Variants in PTCD3 observed in about 807,000 individuals in gnomAD.
The protein encoded by PTCD3 is pentatricopeptide repeat domain 3.
Under a neutral mutation model 101.9 loss-of-function variants are expected in PTCD3, and 89 were observed. The observed-to-expected ratio is 0.87, with a 90% CI of 0.74 to 1.04. The LOEUF (loss-of-function observed/expected upper bound fraction) is 1.04. Among genes scored for constraint, PTCD3 ranks in the 50% least tolerant of loss-of-function variants. The pLI, the probability that PTCD3 is intolerant of heterozygous loss-of-function variation, is 0.00. For missense variants in PTCD3, 870 were observed against 828.2 expected (o/e 1.05, Z -0.62); for synonymous variants, 296 against 278.5 (o/e 1.06, Z -0.63).
At chr2:86,110,150 A>T (rs766233150) in intron 3 of PTCD3, among the ~76,000 whole-genome samples, 1 of 152,232 alleles carries the variant, frequency 6.6e-6, no homozygotes, top group Non-Finnish European at 1.5e-5. Flanking sequence ...TCAATATGTT[A>T]GGAAAGTTTG....
At position 86,108,581 on chromosome 2, in the gene PTCD3, A is replaced by G. The variant is rs749257215; in HGVS notation, c.194+45A>G. Reference sequence around the variant, plus strand: ...TCATTCAGCAAATGGTTGAGTGCTTACTATGAGAGAAGTGTAAGGGTTAGG... The same window carrying G: ...TCATTCAGCAAATGGTTGAGTGCTTGCTATGAGAGAAGTGTAAGGGTTAGG... On this transcript the variant is annotated intron_variant, in intron 3 of 23. Coordinates refer to ENST00000254630, the MANE Select transcript of PTCD3 (RefSeq NM_017952.6). The G allele has an allele frequency of 1.0e-5, 16 of 1,535,112 alleles. 1 individual carries two copies. In the South Asian group the frequency reaches 2.0e-4, roughly 19 times the overall value.
chr2:86,108,564 C>T (rs1298289814), intron 3 of PTCD3, 28 bp downstream of exon 3: 8 of 1,574,878 alleles, frequency 5.1e-6, no homozygotes, highest in Non-Finnish European at 6.9e-6. Flanking sequence ...GTTCATTCAG[C>T]AAATGGTTGA....
chr2:86,135,130 A>G (rs1674563301), intron 21 of PTCD3, 143 bp downstream of exon 21: 3 of 913,774 alleles, frequency 3.3e-6, no homozygotes, highest in Admixed American at 2.8e-5. Context: ...TAAAAAGCAA[A>G]CTTTTGGAAG....
At chr2:86,106,722 A>T (rs571763162) in intron 1 of PTCD3, among the ~76,000 whole-genome samples, 1 of 152,304 alleles carries the variant, frequency 6.6e-6, no homozygotes. Context: ...AACGTACAAG[A>T]TCTTCCCAAA....
At chr2:86,119,123 G>A (rs1674235352) in intron 7 of PTCD3, 79 bp downstream of exon 7, 2 of 1,545,488 alleles carry the variant, frequency 1.3e-6, no homozygotes, top group South Asian at 1.2e-5. Context: ...TATATTTTGA[G>A]TAAGAGTTAC....
intron 1 of PTCD3, among the ~76,000 whole-genome samples, chr2:86,107,852 A>G (rs754282468): frequency 1.5e-3 from 231 of 152,226 alleles, no homozygotes; most frequent in Non-Finnish European, 2.2e-3. Context: ...TTTAAACATC[A>G]TAGTGTTTTG....
Position 86,132,428 on chromosome 2 carries a change from AGT to A in PTCD3, c.1373+9_1373+10del. 6.4e-7 allele frequency: 1 copy of A among 1,561,542 alleles called. No individual in the cohort carries two copies. Among genetic ancestry groups the A allele is most frequent in the Non-Finnish European group, 8.8e-7 (1 of 1,133,482 alleles). On this transcript the variant is annotated splice_donor_5th_base_variant and intron_variant, in intron 17 of 23. Transcript: ENST00000254630. The stretch of plus-strand genomic sequence containing the variant: ...ATCAACATCGTAATTTCTATTAGTA[AGT>A]GTGTTGGAAACATATCCTTTTGCAT...
At chr2:86,116,681 C>T (rs1400459920) in intron 5 of PTCD3, 83 bp downstream of exon 5, 1 of 1,054,126 alleles carries the variant, frequency 9.5e-7, no homozygotes, top group African/African-American at 1.6e-5. Flanking sequence ...TTGTAATAAC[C>T]TGGGAAAGGT....
intron 14 of PTCD3, among the ~76,000 whole-genome samples, chr2:86,129,320 TGGG>T (rs1204679967): frequency 1.3e-5 from 2 of 152,182 alleles, no homozygotes; most frequent in Non-Finnish European, 2.9e-5. Flanking sequence ...ATGGGGGTTC[TGGG>T]GGAGCTGTGT....
intron 6 of PTCD3, among the ~76,000 whole-genome samples, chr2:86,118,399 T>C (rs960495413): frequency 2.0e-5 from 3 of 152,178 alleles, no homozygotes; most frequent in Non-Finnish European, 4.4e-5. Context: ...TCTAAACTGC[T>C]CCCATATCCC....
intron 8 of PTCD3, among the ~76,000 whole-genome samples, chr2:86,122,742 C>T (rs1359708260): frequency 2.0e-5 from 3 of 152,200 alleles, no homozygotes; most frequent in Non-Finnish European, 4.4e-5. Context: ...GAGAACTTTA[C>T]ATTTTTAAAA....
At chr2:86,110,239 A>G (rs1337530207) in intron 3 of PTCD3, among the ~76,000 whole-genome samples, 1 of 152,224 alleles carries the variant, frequency 6.6e-6, no homozygotes, top group Non-Finnish European at 1.5e-5. Context: ...TGTCGTTATC[A>G]CACTTGCTGA....
At chr2:86,115,270 T>C (rs958559428) in intron 4 of PTCD3, among the ~76,000 whole-genome samples, 2 of 152,228 alleles carry the variant, frequency 1.3e-5, no homozygotes, top group African/African-American at 4.8e-5. Flanking sequence ...ATGCCTGATA[T>C]CACTACCAGT....
At position 86,128,916 on chromosome 2, in the gene PTCD3, C is replaced by G. The variant is rs887281549; in HGVS notation, c.1147+925C>G. On this transcript the variant is annotated intron_variant, in intron 14 of 23. Transcript: ENST00000254630. Reference sequence around the variant, plus strand: ...ATGAGGCACTCAAAATCTTTTGGTTCTTGTCCATTATCCCCAGCCTGAGAA... The same window carrying G: ...ATGAGGCACTCAAAATCTTTTGGTTGTTGTCCATTATCCCCAGCCTGAGAA... Among the ~76,000 whole-genome samples the G allele has an allele frequency of 2.0e-5, 3 of 152,206 alleles. No homozygotes were observed. The East Asian group carries it at 5.8e-4, about 29-fold the overall frequency.
At chr2:86,125,707 G>A (rs1674370671) in intron 11 of PTCD3, 88 bp from the exon 12 acceptor site, 1 of 1,084,412 alleles carries the variant, frequency 9.2e-7, no homozygotes, top group East Asian at 2.4e-5. Flanking sequence ...TTAGTCAAGG[G>A]ACACATAGGA....
intron 9 of PTCD3, 119 bp downstream of exon 9, chr2:86,123,881 A>G (rs900508990): frequency 1.4e-6 from 1 of 694,168 alleles, no homozygotes; most frequent in Non-Finnish European, 2.2e-6. Flanking sequence ...TTTATTGTGC[A>G]ATATAAATTT....
At chr2:86,107,153 C>A (rs1434957893) in intron 1 of PTCD3, 1 of 471,196 alleles carries the variant, frequency 2.1e-6, no homozygotes, top group Non-Finnish European at 4.4e-6. Flanking sequence ...CCATCTGATA[C>A]TGCAGAAACC....
rs993277575 is a variant in PTCD3, at chr2:86,140,213, C to G, written c.*2654C>G. On this transcript the variant is annotated 3_prime_UTR_variant, in exon 24 of 24. Coordinates refer to ENST00000254630, the MANE Select transcript of PTCD3 (RefSeq NM_017952.6). ...ACCACAGTAAAGCAGACTCCCCTTT[C>G]AGCAACCTCAAAGCAAAAAAAAAAA... The G allele has an allele frequency of 1.5e-5, 2 of 130,086 alleles. No individual in the cohort carries two copies. The highest frequency in any genetic ancestry group is 3.1e-5 in the Non-Finnish European group (2 of 64,014). 8.1% of individuals were successfully genotyped at this position (130,086 alleles called of 1,614,324 possible). A position where few individuals can be genotyped will look rare whatever the true frequency, so the allele number is the denominator to read the frequency against.
intron 4 of PTCD3, among the ~76,000 whole-genome samples, chr2:86,115,020 C>T (rs1163788596): frequency 6.6e-6 from 1 of 152,202 alleles, no homozygotes; most frequent in Non-Finnish European, 1.5e-5. Flanking sequence ...CACCCACTGG[C>T]TGGCATATAT....
Sources: allele counts gnomAD v4.1 joint callset (sites outside exome capture counted in the v4.1 genomes callset), GRCh38; gene constraint gnomAD v4.1.1; transcripts MANE v1.5; gene names NCBI Gene and HGNC (gene_info 2026-07-23, HGNC 2026-07-21).